Variants in HAS2 observed in about 807,000 individuals in gnomAD.
The protein encoded by HAS2 is hyaluronan synthase 2.
HAS2 carries 16 observed loss-of-function variants against 51.6 expected under a neutral mutation model. The ratio of observed to expected loss-of-function variants is 0.31; its 90% CI spans 0.21 to 0.47. The LOEUF is 0.47. Among genes scored for constraint, HAS2 ranks in the 20% least tolerant of loss-of-function variants. HAS2 has a pLI of 1.00. For missense variants in HAS2, 361 were observed against 662.6 expected, an observed-to-expected ratio of 0.54 and a Z score of 5.00; for synonymous variants, 228 against 235.5, an observed-to-expected ratio of 0.97 and a Z score of 0.29.
In HAS2 at chr8:121,612,329, G is replaced by A. The variant is rs1812644425; in HGVS notation, c.*1780C>T. On this transcript the variant is annotated 3_prime_UTR_variant, in exon 4 of 4. Coordinates refer to ENST00000303924, the MANE Select transcript of HAS2 (RefSeq NM_005328.3). ...TTTTCATCTCATTTATTGGCATGGT[G>A]TGTTTTGTTTTCCACAAGCTCTCCA... 6.6e-6 allele frequency: 1 copy of A among 152,158 alleles called. No homozygotes were observed. Among genetic ancestry groups the A allele is most frequent in the South Asian group, 2.1e-4 (1 of 4,832 alleles). The allele number at this position is 152,158 out of a possible 1,614,324, so 9.4% of individuals were successfully genotyped here.
chr8:121,630,431 TATTTCCCAAAGC>T (rs1812914606), intron 1 of HAS2, among the ~76,000 whole-genome samples: 1 of 151,904 alleles, frequency 6.6e-6, no homozygotes, highest in Non-Finnish European at 1.5e-5. Context: ...AAAGGATTTG[TATTTCCCAAAGC>T]ATTTCCAATG....
At chr8:121,640,190 TGAC>T (rs1813074277) in intron 1 of HAS2, 1 of 152,042 alleles carries the variant, frequency 6.6e-6, no homozygotes, top group Non-Finnish European at 1.5e-5. Context: ...CTGACGAGCC[TGAC>T]ACTTTAATGG....
intron 1 of HAS2, among the ~76,000 whole-genome samples, chr8:121,640,392 G>C (rs1231730777): frequency 6.6e-6 from 1 of 150,772 alleles, no homozygotes; most frequent in Non-Finnish European, 1.5e-5. Context: ...AGTAAAACGC[G>C]CTGGGCTATT....
Position 121,614,889 on chromosome 8 carries a change from A to G in HAS2, c.879T>C (p.His293=), listed in dbSNP as rs1812680717. Reference sequence around the variant, plus strand: ...GATTGTACCAATCTTCCACAAACTCATGCAACAAGGAGTTTCTGTACATTC... The same window carrying G: ...GATTGTACCAATCTTCCACAAACTCGTGCAACAAGGAGTTTCTGTACATTC... ...PLGMYRNSLL[H]EFVEDWYNQE... Residue 293 remains histidine, a synonymous_variant, in exon 4 of 4, where the codon CAT becomes CAC. Coordinates refer to ENST00000303924, the MANE Select transcript of HAS2 (RefSeq NM_005328.3). This position sits in a 1 kb window ranked among gnomAD's most constrained non-coding sequence, Gnocchi z 7.2. 1 of 1,614,066 alleles carries G rather than the reference A, an allele frequency of 6.2e-7. No individual in the cohort carries two copies. The highest frequency in any genetic ancestry group is 1.1e-5 in the South Asian group (1 of 91,090).
At chr8:121,634,832 G>A (rs1812987907) in intron 1 of HAS2, among the ~76,000 whole-genome samples, 1 of 151,712 alleles carries the variant, frequency 6.6e-6, no homozygotes, top group African/African-American at 2.4e-5. Flanking sequence ...CCCAGAACAG[G>A]TCTAGAAGGC....
At position 121,629,190 on chromosome 8, in the gene HAS2, C is replaced by T. The variant is rs745480940; in HGVS notation, c.151G>A (p.Ala51Thr). 8.7e-6 allele frequency: 14 copies of T among 1,613,928 alleles called. No individual in the cohort carries two copies. The highest frequency in any genetic ancestry group is 4.0e-5 in the African/African-American group (3 of 74,908). The change falls in exon 2 of 4, where the codon GCC becomes ACC. Residue 51 changes from alanine (A) to threonine (T), a missense_variant. Physicochemically the swap from Ala to Thr is moderately conservative, Grantham distance 58. Around this residue, in one of 5 missense-constraint regions of HAS2, gnomAD observed 145 missense variants for 217.6 expected, o/e 0.67. Coordinates refer to ENST00000303924, the MANE Select transcript of HAS2 (RefSeq NM_005328.3). ...ATGATGAGGTGTGATGCCAAAAAGG[C>T]ACCATACAGTCCAAAAGAGAAATAG... is the stretch of plus-strand genomic sequence containing the variant. ...NYYFSFGLYG[A>T]FLASHLIIQS...
Position 121,614,185 on chromosome 8 carries a change from G to A in HAS2, c.1583C>T (p.Thr528Met), listed in dbSNP as rs764107265. The A allele has an allele frequency of 2.0e-5, 32 of 1,613,980 alleles. No individual in the cohort carries two copies. The highest frequency in any genetic ancestry group is 2.5e-5 in the Non-Finnish European group (30 of 1,180,028). ...LYACYWVMLL[T>M]LYVVLINKCG... ...CTTATTGATGAGAACTACATACAGC[G>A]TCAAAAGCATGACCCAATAGCATGC... is the stretch of plus-strand genomic sequence containing the variant. The change falls in exon 4 of 4, where the codon ACG becomes ATG. Residue 528 changes from threonine to methionine, a missense_variant. Thr to Met is a moderately conservative substitution (Grantham distance 81). Transcript: ENST00000303924. The surrounding 1 kb of genome is among the most constrained non-coding windows in gnomAD (Gnocchi z 7.2).
In HAS2 at chr8:121,641,052, AAAT is replaced by A. The variant is rs1455275361; in HGVS notation, c.-203_-201del. ...ATGTTTGATTCTTCCCCACTTTAAA[AAAT>A]AATTTCACTAATATTCTCTTTATGT... On this transcript the variant is annotated 5_prime_UTR_variant, in exon 1 of 4. Transcript: ENST00000303924. 6.6e-6 allele frequency: 1 copy of A among 151,768 alleles called. No individual in the cohort carries two copies. Among genetic ancestry groups the A allele is most frequent in the Admixed American group, 6.6e-5 (1 of 15,258 alleles). The allele number at this position is 151,768 out of a possible 1,614,324, so 9.4% of individuals were successfully genotyped here. A position where few individuals can be genotyped will look rare whatever the true frequency, so the allele number is the denominator to read the frequency against.
At chr8:121,616,929 T>C (rs1018685688) in intron 3 of HAS2, among the ~76,000 whole-genome samples, 176 bp downstream of exon 3, 2 of 152,318 alleles carry the variant, frequency 1.3e-5, no homozygotes, top group South Asian at 4.1e-4. Context: ...TCAATTTACA[T>C]AGGAAAAGAG....
intron 2 of HAS2, among the ~76,000 whole-genome samples, chr8:121,618,971 A>T (rs932485058): frequency 3.3e-5 from 5 of 152,198 alleles, no homozygotes; most frequent in Admixed American, 1.3e-4. Context: ...TTTAAAAAAA[A>T]AAAGGAAATT....
chr8:121,614,994 TACAC>T lies in HAS2; in HGVS notation c.770_773del (p.Ser257LysfsTer9). ...CTATATTAAAAGCCATCCAATATCT[TACAC>T]TGCTGAGGAATGAGATCCAGGAATC... On this transcript the variant is annotated frameshift_variant, in exon 4 of 4. Transcript: ENST00000303924. LOFTEE classifies it high-confidence loss of function. The surrounding 1 kb of genome is among the most constrained non-coding windows in gnomAD (Gnocchi z 7.2). 1 of 1,613,374 alleles carries T rather than the reference TACAC, an allele frequency of 6.2e-7. No homozygotes were observed. The highest frequency in any genetic ancestry group is 8.5e-7 in the Non-Finnish European group (1 of 1,179,522).
At chr8:121,630,311 C>T (rs2130446927) in intron 1 of HAS2, among the ~76,000 whole-genome samples, 1 of 152,264 alleles carries the variant, frequency 6.6e-6, no homozygotes, top group Middle Eastern at 3.4e-3. Flanking sequence ...CGTTTCCACT[C>T]AGTAATAGTC....
chr8:121,623,779 C>A (rs1812807144), intron 2 of HAS2, among the ~76,000 whole-genome samples: 1 of 152,182 alleles, frequency 6.6e-6, no homozygotes, highest in Admixed American at 6.5e-5. Context: ...ATTCTTATTT[C>A]AGTGAGCTCT....
chr8:121,615,071 C>T, intron 3 of HAS2, 33 bp from the exon 4 acceptor site: 1 of 1,502,116 alleles, frequency 6.7e-7, no homozygotes, highest in Non-Finnish European at 9.0e-7. Flanking sequence ...AATAGGTAAG[C>T]TTTAGCTAAA....
At position 121,620,939 on chromosome 8, in the gene HAS2, T is replaced by G. The variant is rs540956016; in HGVS notation, c.628-3733A>C. ...TTAGTGTTCATAAATAAGGTTTTAT[T>G]GGATGCATGCTGTATCAGAAAGGAA... On this transcript the variant is annotated intron_variant, in intron 2 of 3. Transcript: ENST00000303924. 6.6e-5 allele frequency among the ~76,000 whole-genome samples: 10 copies of G among 152,302 alleles called. 1 individual carries two copies. In the East Asian group the frequency reaches 1.7e-3, roughly 26 times the overall value.
Position 121,641,137 on chromosome 8 carries a change from T to G in HAS2, c.-285A>C, listed in dbSNP as rs1050802259. ...AATTATGCTTTAAAAATAAATTAACTTTTCTTTTTTCTTTTCTTTTCTTTT... is the reference window on the plus strand; with the variant it reads ...AATTATGCTTTAAAAATAAATTAACGTTTCTTTTTTCTTTTCTTTTCTTTT... On this transcript the variant is annotated 5_prime_UTR_variant, in exon 1 of 4. Coordinates refer to ENST00000303924, the MANE Select transcript of HAS2 (RefSeq NM_005328.3). The G allele has an allele frequency of 3.5e-5, 5 of 144,306 alleles. No homozygotes were observed. The highest frequency in any genetic ancestry group is 1.3e-4 in the African/African-American group (5 of 38,912). The allele number at this position is 144,306 out of a possible 1,614,324, so 8.9% of individuals were successfully genotyped here.
chr8:121,613,439 A>T lies in HAS2; in HGVS notation c.*670T>A, dbSNP rs1269447482. 2 of 152,748 alleles carry T rather than the reference A, an allele frequency of 1.3e-5. No individual in the cohort carries two copies. The highest frequency in any genetic ancestry group is 4.1e-4 in the South Asian group (2 of 4,834). The allele number at this position is 152,748 out of a possible 1,614,324, so 9.5% of individuals were successfully genotyped here. ...AAACATTTTATTCTTTCTATCATGA[A>T]CATCAGTCAACCAAGCTTCACATTT... On this transcript the variant is annotated 3_prime_UTR_variant, in exon 4 of 4. Transcript: ENST00000303924.
chr8:121,640,056 GC>G (rs1331204765), intron 1 of HAS2: 1 of 152,232 alleles, frequency 6.6e-6, no homozygotes, highest in South Asian at 2.1e-4. Flanking sequence ...CCCCACGCAC[GC>G]CCTGCCTCCG....
chr8:121,628,817 A>C lies in HAS2; in HGVS notation c.524T>G (p.Val175Gly). ...GATGCAGATACTTTTGTTGGACAAGACCAATTGCGTTACGTGTTGCGAGCT... is the reference window on the plus strand; with the variant it reads ...GATGCAGATACTTTTGTTGGACAAGCCCAATTGCGTTACGTGTTGCGAGCT... ...KESSQHVTQL[V>G]LSNKSICIMQ... The change falls in exon 2 of 4, where the codon GTC becomes GGC. Residue 175 changes from valine to glycine, a missense_variant. Around this residue, in one of 5 missense-constraint regions of HAS2, gnomAD observed 145 missense variants for 217.6 expected, o/e 0.67. Coordinates refer to ENST00000303924, the MANE Select transcript of HAS2 (RefSeq NM_005328.3). 1 of 1,614,120 alleles carries C rather than the reference A, an allele frequency of 6.2e-7. No homozygotes were observed. Among genetic ancestry groups the C allele is most frequent in the Non-Finnish European group, 8.5e-7 (1 of 1,179,980 alleles).
Sources: allele counts gnomAD v4.1 joint callset (sites outside exome capture counted in the v4.1 genomes callset), GRCh38; gene constraint gnomAD v4.1.1; regional missense constraint gnomAD v4.1.1; non-coding constraint Gnocchi (gnomAD v3.1); transcripts MANE v1.5; gene names NCBI Gene and HGNC (gene_info 2026-07-23, HGNC 2026-07-21).